NEGR1: variants seen among roughly 807,000 people sequenced by gnomAD.
NEGR1 encodes IgLON family member 4.
A neutral mutation model predicts 40.9 loss-of-function variants in NEGR1; 10 were observed. The observed-to-expected ratio is 0.24, with a 90% CI of 0.15 to 0.42. The LOEUF is 0.42. NEGR1 is among the 10% of genes least tolerant of loss of function. The probability of loss-of-function intolerance (pLI) is 1.00; values close to 1 mark genes in which losing one functional copy is unlikely to be tolerated. For missense variants in NEGR1, 352 were observed against 438.9 expected, an observed-to-expected ratio of 0.80 and a Z score of 1.77; for synonymous variants, 185 against 166.8, an observed-to-expected ratio of 1.11 and a Z score of -0.84.
At chr1:72,277,763 C>A (rs1163565818) in intron 1 of NEGR1, among the ~76,000 whole-genome samples, 1 of 151,906 alleles carries the variant, frequency 6.6e-6, no homozygotes, top group Admixed American at 6.6e-5. Context: ...TAAAATAGTG[C>A]CTTAATGTCC....
At chr1:71,844,379 A>C (rs917529729) in intron 2 of NEGR1, among the ~76,000 whole-genome samples, 3 of 152,168 alleles carry the variant, frequency 2.0e-5, no homozygotes, top group African/African-American at 7.2e-5. Flanking sequence ...TCCCTAACAG[A>C]GAGGGTCATA....
intron 1 of NEGR1, among the ~76,000 whole-genome samples, chr1:72,259,070 C>T (rs1386385304): frequency 6.6e-6 from 1 of 152,030 alleles, no homozygotes; most frequent in African/African-American, 2.4e-5. Flanking sequence ...TATTTTTGTT[C>T]TTCTGTTTGC....
At chr1:71,715,502 T>G (rs1003384045) in intron 3 of NEGR1, among the ~76,000 whole-genome samples, 2 of 152,184 alleles carry the variant, frequency 1.3e-5, no homozygotes, top group African/African-American at 4.8e-5. Context: ...CTTTTAAACA[T>G]AAGTTCCAAT....
At chr1:72,018,530 A>T (rs1646731105) in intron 1 of NEGR1, among the ~76,000 whole-genome samples, 1 of 152,182 alleles carries the variant, frequency 6.6e-6, no homozygotes, top group Non-Finnish European at 1.5e-5. Context: ...AATGTGTATA[A>T]TTTTTAATAA....
At chr1:71,955,072 T>C (rs989571213) in intron 1 of NEGR1, among the ~76,000 whole-genome samples, 3 of 152,124 alleles carry the variant, frequency 2.0e-5, no homozygotes, top group Non-Finnish European at 4.4e-5. Context: ...TCCAACTGAA[T>C]CCAAATTCTT....
At chr1:71,676,620 C>A (rs1364508761) in intron 4 of NEGR1, among the ~76,000 whole-genome samples, 1 of 152,178 alleles carries the variant, frequency 6.6e-6, no homozygotes, top group African/African-American at 2.4e-5. Context: ...AAGCAGATAT[C>A]TCCACCATAC....
At chr1:71,762,794 A>G (rs1655991026) in intron 3 of NEGR1, among the ~76,000 whole-genome samples, 1 of 152,184 alleles carries the variant, frequency 6.6e-6, no homozygotes, top group Non-Finnish European at 1.5e-5. Context: ...ATTGGAAAAT[A>G]GAATGTTAAA....
chr1:72,088,796 C>CTTTTTTTTTTTTTTTTTTTTTT (rs71074816), intron 1 of NEGR1, among the ~76,000 whole-genome samples: 21 of 74,920 alleles, frequency 2.8e-4, no homozygotes, highest in Non-Finnish European at 4.8e-4. Flanking sequence ...CTCTCTCTCT[C>CTTTTTTTTTTTTTTTTTTTTTT]TTTTTTTTTT....
At chr1:71,462,033 A>T (rs1371349715) in intron 6 of NEGR1, among the ~76,000 whole-genome samples, 1 of 152,218 alleles carries the variant, frequency 6.6e-6, no homozygotes, top group Non-Finnish European at 1.5e-5. Context: ...ACTAAATCAT[A>T]CATGTATTTA....
intron 5 of NEGR1, among the ~76,000 whole-genome samples, chr1:71,608,328 T>C (rs1024957832): frequency 6.6e-6 from 1 of 152,106 alleles, no homozygotes; most frequent in Admixed American, 6.6e-5. Context: ...TCAATCTACC[T>C]TTTCCTTTTT....
At chr1:72,035,433 C>A (rs538683763) in intron 1 of NEGR1, among the ~76,000 whole-genome samples, 6 of 152,270 alleles carry the variant, frequency 3.9e-5, no homozygotes, top group Non-Finnish European at 5.9e-5. Context: ...AGTATCACTT[C>A]CCTTTGTTTA....
At chr1:72,249,098 G>A (rs1003084673) in intron 1 of NEGR1, among the ~76,000 whole-genome samples, 1 of 152,146 alleles carries the variant, frequency 6.6e-6, no homozygotes, top group African/African-American at 2.4e-5. Context: ...CCATTGGGAG[G>A]TAATTATGTC....
chr1:71,449,096 T>C (rs1330740686), intron 6 of NEGR1, among the ~76,000 whole-genome samples: 2 of 152,222 alleles, frequency 1.3e-5, no homozygotes, highest in Non-Finnish European at 2.9e-5. Flanking sequence ...AAGTAATAGA[T>C]ACTTCCTACA....
intron 4 of NEGR1, among the ~76,000 whole-genome samples, chr1:71,656,829 G>A (rs1651894435): frequency 6.6e-6 from 1 of 152,192 alleles, no homozygotes; most frequent in African/African-American, 2.4e-5. Flanking sequence ...AACCTTCAGA[G>A]TCTTAATTAC....
chr1:72,028,363 G>A (rs1646829903), intron 1 of NEGR1, among the ~76,000 whole-genome samples: 1 of 152,072 alleles, frequency 6.6e-6, no homozygotes, highest in South Asian at 2.1e-4. Flanking sequence ...ACTGATGAAA[G>A]GCTTTCACAC....
intron 6 of NEGR1, 106 bp downstream of exon 6, chr1:71,592,710 CA>C (rs1365142125): frequency 1.3e-6 from 1 of 798,478 alleles, no homozygotes; most frequent in Non-Finnish European, 2.0e-6. Flanking sequence ...TGTGTCACAT[CA>C]GGTTGAGTTT....
At chr1:71,925,971 A>C (rs776401147) in intron 2 of NEGR1, among the ~76,000 whole-genome samples, 1 of 152,190 alleles carries the variant, frequency 6.6e-6, no homozygotes, top group South Asian at 2.1e-4. Flanking sequence ...AAATGAATAT[A>C]CTCCAAGATA....
At chr1:71,559,790 A>C (rs771468263) in intron 6 of NEGR1, among the ~76,000 whole-genome samples, 5 of 151,122 alleles carry the variant, frequency 3.3e-5, no homozygotes, top group Non-Finnish European at 5.9e-5. Flanking sequence ...CTGCATACAC[A>C]CTAAAATCTC....
At chr1:71,792,879 T>C (rs904194129) in intron 2 of NEGR1, among the ~76,000 whole-genome samples, 1 of 152,044 alleles carries the variant, frequency 6.6e-6, no homozygotes, top group Non-Finnish European at 1.5e-5. Context: ...AAATATCTTA[T>C]TTCTTTCTAG....
Sources: allele counts gnomAD v4.1 joint callset (sites outside exome capture counted in the v4.1 genomes callset), GRCh38; gene constraint gnomAD v4.1.1; transcripts MANE v1.5; gene names NCBI Gene and HGNC (gene_info 2026-07-23, HGNC 2026-07-21).